ATXN1: variants seen among roughly 807,000 people sequenced by gnomAD.
The protein encoded by ATXN1 is ataxin-1.
ATXN1 carries 8 observed loss-of-function variants against 56.4 expected under a neutral mutation model. That is an observed-to-expected ratio of 0.14 (90% CI 0.08 to 0.26). ATXN1 has a LOEUF of 0.26. ATXN1 is among the 10% of genes least tolerant of loss of function. ATXN1 has a pLI of 1.00. For missense variants in ATXN1, 987 were observed against 1,106.5 expected (o/e 0.89, Z 1.53); for synonymous variants, 514 against 494.6 (o/e 1.04, Z -0.52).
intron 7 of ATXN1, among the ~76,000 whole-genome samples, chr6:16,322,274 T>C (rs1760672404): frequency 6.6e-6 from 1 of 152,010 alleles, no homozygotes; most frequent in South Asian, 2.1e-4. Flanking sequence ...ACAAAACTCA[T>C]TTGCCTGGTT....
At chr6:16,759,887 G>C (rs955882384) in intron 1 of ATXN1, among the ~76,000 whole-genome samples, 2 of 152,134 alleles carry the variant, frequency 1.3e-5, no homozygotes, top group South Asian at 4.1e-4. Flanking sequence ...CTGAAGGCGG[G>C]GGGCTGAAGA....
chr6:16,360,067 C>T (rs1054651763), intron 6 of ATXN1, among the ~76,000 whole-genome samples: 5 of 151,044 alleles, frequency 3.3e-5, no homozygotes, highest in Admixed American at 6.6e-5. Context: ...AACCTATGGA[C>T]GTAAAAAATA....
At chr6:16,392,238 A>G (rs956443936) in intron 6 of ATXN1, among the ~76,000 whole-genome samples, 1 of 152,212 alleles carries the variant, frequency 6.6e-6, no homozygotes, top group Non-Finnish European at 1.5e-5. Flanking sequence ...TGTCATCAGC[A>G]GAGACATGGC....
intron 6 of ATXN1, among the ~76,000 whole-genome samples, chr6:16,465,832 G>A (rs749834574): frequency 6.6e-6 from 1 of 152,282 alleles, no homozygotes; most frequent in South Asian, 2.1e-4. Context: ...ACCAAGAGGT[G>A]TCTCTGCTAA....
At chr6:16,719,213 T>C (rs1581391776) in intron 2 of ATXN1, among the ~76,000 whole-genome samples, 1 of 152,242 alleles carries the variant, frequency 6.6e-6, no homozygotes, top group Non-Finnish European at 1.5e-5. Context: ...TGTCTTCTTA[T>C]ATAGAAAACT....
rs185349818 is a variant in ATXN1 at position 16,636,599 on chromosome 6, C to A, written c.-489+21177G>T. ...CCCTGAATAGTCTATGCCATCACAC[C>A]TCCTTATGGCTACTAACATAAAAGG... On this transcript the variant is annotated intron_variant, in intron 3 of 7. Coordinates refer to ENST00000436367, the MANE Select transcript of ATXN1 (RefSeq NM_001128164.2). Among the ~76,000 whole-genome samples, 26 of 152,354 alleles carry A rather than the reference C, an allele frequency of 1.7e-4. No individual in the cohort carries two copies. In the East Asian group the frequency reaches 4.8e-3, roughly 28 times the overall value.
At chr6:16,700,163 A>T (rs540393893) in intron 2 of ATXN1, among the ~76,000 whole-genome samples, 35 of 152,304 alleles carry the variant, frequency 2.3e-4, no homozygotes, top group African/African-American at 7.9e-4. Flanking sequence ...CCCAATTAAA[A>T]AAATCCTGGG....
intron 4 of ATXN1, among the ~76,000 whole-genome samples, chr6:16,552,015 G>A (rs1026003581): frequency 3.3e-5 from 5 of 152,226 alleles, no homozygotes; most frequent in Non-Finnish European, 7.3e-5. Context: ...ACCTGTGTGC[G>A]TATAGGATGG....
At chr6:16,715,210 A>G (rs1234631934) in intron 2 of ATXN1, among the ~76,000 whole-genome samples, 1 of 152,172 alleles carries the variant, frequency 6.6e-6, no homozygotes, top group African/African-American at 2.4e-5. Flanking sequence ...TTTAAACATG[A>G]GTATATCCCA....
At chr6:16,598,782 G>T (rs1762862932) in intron 3 of ATXN1, among the ~76,000 whole-genome samples, 1 of 152,198 alleles carries the variant, frequency 6.6e-6, no homozygotes, top group Non-Finnish European at 1.5e-5. Context: ...ATGTGGTGAG[G>T]GGAGCTCTGC....
chr6:16,443,358 T>C (rs1478648305), intron 6 of ATXN1, among the ~76,000 whole-genome samples: 1 of 152,012 alleles, frequency 6.6e-6, no homozygotes, highest in Admixed American at 6.6e-5. Context: ...GTTTTGTGGG[T>C]TTTGTTTCAG....
intron 6 of ATXN1, among the ~76,000 whole-genome samples, chr6:16,421,317 C>T (rs1432931310): frequency 6.6e-6 from 1 of 151,310 alleles, no homozygotes; most frequent in East Asian, 1.9e-4. Context: ...TCATTTTCGT[C>T]ACTTTAACAG....
chr6:16,325,714 T>C (rs1244615350), intron 7 of ATXN1, among the ~76,000 whole-genome samples: 2 of 152,146 alleles, frequency 1.3e-5, no homozygotes, highest in African/African-American at 4.8e-5. Context: ...CAAAGAGAGT[T>C]GTCTGCTGAT....
At chr6:16,387,229 G>A (rs988479279) in intron 6 of ATXN1, among the ~76,000 whole-genome samples, 5 of 152,190 alleles carry the variant, frequency 3.3e-5, no homozygotes, top group Admixed American at 2.0e-4. Context: ...GAACCCGGAT[G>A]AAGTAGAAGC....
intron 6 of ATXN1, among the ~76,000 whole-genome samples, chr6:16,394,134 G>A (rs1473563205): frequency 6.6e-6 from 1 of 151,998 alleles, no homozygotes; most frequent in Non-Finnish European, 1.5e-5. Flanking sequence ...TTTTCCTTCT[G>A]TGTTCCTAAC....
chr6:16,746,808 G>A (rs546011002), intron 2 of ATXN1, among the ~76,000 whole-genome samples: 1 of 152,148 alleles, frequency 6.6e-6, no homozygotes, highest in Non-Finnish European at 1.5e-5. Flanking sequence ...AGCAAATGAT[G>A]TTTGACAGAA....
chr6:16,374,158 A>C (rs1362464877), intron 6 of ATXN1, among the ~76,000 whole-genome samples: 2 of 149,922 alleles, frequency 1.3e-5, no homozygotes, highest in Admixed American at 1.3e-4. Context: ...AAAAAAAAAG[A>C]CATAGACCCT....
At chr6:16,491,049 C>G (rs371454016) in intron 5 of ATXN1, among the ~76,000 whole-genome samples, 45 of 151,388 alleles carry the variant, frequency 3.0e-4, no homozygotes, top group African/African-American at 9.9e-4. Flanking sequence ...ACAGTAAAGT[C>G]CCTTGGATTT....
chr6:16,499,212 C>T (rs138257305), intron 5 of ATXN1, among the ~76,000 whole-genome samples: 73 of 152,238 alleles, frequency 4.8e-4, no homozygotes, highest in Middle Eastern at 3.4e-3. Context: ...CTTTCTCTGG[C>T]ATGTGTCCCA....
Sources: allele counts gnomAD v4.1 joint callset (sites outside exome capture counted in the v4.1 genomes callset), GRCh38; gene constraint gnomAD v4.1.1; transcripts MANE v1.5; gene names NCBI Gene and HGNC (gene_info 2026-07-23, HGNC 2026-07-21).